Variants in MED16 observed in about 807,000 individuals in gnomAD.
MED16 encodes the protein mediator of RNA polymerase II transcription subunit 16.
MED16 carries 81 observed loss-of-function variants against 84.4 expected under a neutral mutation model. The ratio of observed to expected loss-of-function variants is 0.96; its 90% CI spans 0.80 to 1.15. MED16 has a LOEUF of 1.15. Ranked by LOEUF, MED16 falls within the 50% of genes most tolerant of loss-of-function variation. The pLI, the probability that MED16 is intolerant of heterozygous loss-of-function variation, is 0.00. For synonymous variants in MED16, 897 were observed against 552.2 expected (o/e 1.62, Z -8.76); for missense variants, 1,585 against 1,245.9 (o/e 1.27, Z -4.10).
At position 888,119 on chromosome 19, in the gene MED16, G is replaced by A. The variant is rs1002027473; in HGVS notation, c.447+1519C>T. On this transcript the variant is annotated intron_variant, in intron 4 of 15. Coordinates refer to ENST00000325464, the MANE Select transcript of MED16 (RefSeq NM_005481.3). ...TTCAGGAGGCTGAGGCAGTAGAATC[G>A]CTTGAGCCCGGGAGGGAGAGGCTGC... Among the ~76,000 whole-genome samples, 8 of 151,768 alleles carry A rather than the reference G, an allele frequency of 5.3e-5. No individual in the cohort carries two copies. The East Asian group carries it at 1.4e-3, about 26-fold the overall frequency.
Position 875,014 on chromosome 19 carries a change from A to T in MED16, c.1771+230T>A, listed in dbSNP as rs74697243. Reference sequence around the variant, plus strand: ...CCCGTCTCTACTAAAAATACAAAAAATCAGCCGGGCGTGGTGGCACGTGCC... The same window carrying T: ...CCCGTCTCTACTAAAAATACAAAAATTCAGCCGGGCGTGGTGGCACGTGCC... On this transcript the variant is annotated intron_variant, in intron 10 of 15. Coordinates refer to ENST00000325464, the MANE Select transcript of MED16 (RefSeq NM_005481.3). Among the ~76,000 whole-genome samples the T allele has an allele frequency of 2.1e-3, 319 of 151,606 alleles. 9 individuals carry two copies. In the East Asian group the frequency reaches 0.057, roughly 27 times the overall value.
At chr19:874,391 C>A (rs998628333) in intron 10 of MED16, among the ~76,000 whole-genome samples, 7 of 152,152 alleles carry the variant, frequency 4.6e-5, no homozygotes, top group African/African-American at 1.7e-4. Context: ...GGATTACACA[C>A]GAGTCGCCAC....
rs867260821 is a variant in MED16, at chr19:883,358, G to A, written c.985+1545C>T. On this transcript the variant is annotated intron_variant, in intron 6 of 15. Transcript: ENST00000325464. ...CATGGCGGGGACCGAAGCCTGGCACGGTGGGCACGTGGGGTGGTGGGTGAA... is the reference window on the plus strand; with the variant it reads ...CATGGCGGGGACCGAAGCCTGGCACAGTGGGCACGTGGGGTGGTGGGTGAA... 4.2e-5 allele frequency among the ~76,000 whole-genome samples: 6 copies of A among 144,026 alleles called. 1 individual carries two copies. In the South Asian group the frequency reaches 9.3e-4, roughly 22 times the overall value. 94.5% of individuals were successfully genotyped at this position (144,026 alleles called of 152,430 possible). A position where few individuals can be genotyped will look rare whatever the true frequency, so the allele number is the denominator to read the frequency against.
chr19:867,978 T>G lies in MED16; in HGVS notation c.*123A>C. On this transcript the variant is annotated 3_prime_UTR_variant, in exon 16 of 16. Transcript: ENST00000325464. Reference sequence around the variant, plus strand: ...GACGCGGGCCTGGGCGCAGAGGGCGTTTATTGGACCTGTCCTTCCCAGCCG... The same window carrying G: ...GACGCGGGCCTGGGCGCAGAGGGCGGTTATTGGACCTGTCCTTCCCAGCCG... 6 of 1,310,272 alleles carry G rather than the reference T, an allele frequency of 4.6e-6. No individual in the cohort carries two copies. The highest frequency in any genetic ancestry group is 3.0e-5 in the African/African-American group (2 of 67,328). 81.2% of individuals were successfully genotyped at this position (1,310,272 alleles called of 1,614,324 possible).
intron 8 of MED16, among the ~76,000 whole-genome samples, chr19:878,916 A>AGCCCCGGCCCCG (rs141014120): frequency 8.4e-4 from 67 of 79,772 alleles, no homozygotes; most frequent in East Asian, 1.8e-3. Flanking sequence ...AATGTCCACC[A>AGCCCCGGCCCCG]GCCCCGGCCC....
chr19:889,702 C>T lies in MED16; in HGVS notation c.383G>A (p.Gly128Glu), dbSNP rs775406899. ...CCAGGACAGGGCCACAATGGGGTCC[C>T]CCTCCACTAGGCTGCCCACTGAGCT... Reference protein sequence around the residue: ...WESSVGSLVEGDPIVALSWLH... With the variant: ...WESSVGSLVEEDPIVALSWLH... The change falls in exon 4 of 16, where the codon GGG becomes GAG. Residue 128 changes from glycine to glutamate, a missense_variant. Gly to Glu is a moderately conservative substitution (Grantham distance 98). Transcript: ENST00000325464. 1 of 1,613,738 alleles carries T rather than the reference C, an allele frequency of 6.2e-7. No homozygotes were observed. Among genetic ancestry groups the T allele is most frequent in the African/African-American group, 1.3e-5 (1 of 74,934 alleles).
At chr19:882,996 T>C (rs1452170797) in intron 6 of MED16, among the ~76,000 whole-genome samples, 2 of 152,042 alleles carry the variant, frequency 1.3e-5, no homozygotes, top group Admixed American at 6.6e-5. Context: ...GAGCCTCTCA[T>C]AGGAAAGACA....
chr19:883,650 A>AG (rs1211875917), intron 6 of MED16, among the ~76,000 whole-genome samples: 180 of 152,164 alleles, frequency 1.2e-3, no homozygotes, highest in African/African-American at 4.2e-3. Flanking sequence ...CGGCTGCAGG[A>AG]GACGAGGAGG....
At position 880,794 on chromosome 19, in the gene MED16, G is replaced by A. The variant is rs375672058; in HGVS notation, c.1142-646C>T. 3.5e-4 allele frequency among the ~76,000 whole-genome samples: 54 copies of A among 152,142 alleles called. No individual in the cohort carries two copies. The South Asian group carries it at 7.1e-3, about 20-fold the overall frequency. ...AAATTAGCCGGGCGTGGCAGCACGC[G>A]CCTGTAGTCCCAGCTACTCGGGAGG... On this transcript the variant is annotated intron_variant, in intron 7 of 15. Coordinates refer to ENST00000325464, the MANE Select transcript of MED16 (RefSeq NM_005481.3).
At chr19:890,051 G>T in intron 3 of MED16, 86 bp downstream of exon 3, 1 of 1,066,878 alleles carries the variant, frequency 9.4e-7, no homozygotes, top group Non-Finnish European at 1.4e-6. Flanking sequence ...CCCAGCGCCG[G>T]ACTCCAGACT....
intron 8 of MED16, among the ~76,000 whole-genome samples, chr19:878,661 C>G (rs1341362369): frequency 2.1e-5 from 3 of 144,588 alleles, no homozygotes; most frequent in East Asian, 2.3e-4. Context: ...TCACCTTCCC[C>G]TGGTTGTCAA....
In MED16 at chr19:871,167, G is replaced by C. The variant is rs751147997; in HGVS notation, c.2185C>G (p.Leu729Val). 12 of 1,548,834 alleles carry C rather than the reference G, an allele frequency of 7.7e-6. No homozygotes were observed. Among genetic ancestry groups the C allele is most frequent in the Middle Eastern group, 3.4e-4 (2 of 5,958 alleles). Reference sequence around the variant, plus strand: ...CCGTCGCTGGCTGGCAGCCAGTCCAGGCTGGGGATAAGCAGCTGGCTGGGC... The same window carrying C: ...CCGTCGCTGGCTGGCAGCCAGTCCACGCTGGGGATAAGCAGCTGGCTGGGC... ...LLPSQLLIPS[L>V]DWLPASDGLV... The change falls in exon 13 of 16, where the codon CTG (leucine) becomes GTG (valine). Residue 729 changes from leucine (L) to valine (V), a missense_variant. Transcript: ENST00000325464.
rs2036082132 is a variant in MED16 at position 871,973 on chromosome 19, T to C, written c.2051A>G (p.Asp684Gly). 1.2e-6 allele frequency: 2 copies of C among 1,602,812 alleles called. No homozygotes were observed. The highest frequency in any genetic ancestry group is 1.1e-5 in the South Asian group (1 of 90,460). Residue 684 changes from aspartate (D) to glycine (G), a missense_variant, in exon 12 of 16, where the codon GAC becomes GGC. Physicochemically the swap from Asp to Gly is moderately conservative, Grantham distance 94 (BLOSUM62 -1). Transcript: ENST00000325464. Reference protein sequence around the residue: ...PVYTATSDTQDSMSLLFRLLT... With the variant: ...PVYTATSDTQGSMSLLFRLLT... The stretch of plus-strand genomic sequence containing the variant: ...CAGGCGGAAGAGCAGGGACATGCTG[T>C]CCTGGGTATCCGAGGTGGCCGTATA...
At chr19:889,177 C>CT (rs1181667769) in intron 4 of MED16, among the ~76,000 whole-genome samples, 2 of 145,464 alleles carry the variant, frequency 1.4e-5, no homozygotes, top group Admixed American at 6.8e-5. Flanking sequence ...CCACGCCTAT[C>CT]TTAACTGTCC....
chr19:873,295 G>A (rs966288602), intron 11 of MED16, among the ~76,000 whole-genome samples, 154 bp downstream of exon 11: 9 of 134,014 alleles, frequency 6.7e-5, no homozygotes, highest in East Asian at 2.9e-4. Flanking sequence ...AAGCAGGGGC[G>A]GGACTCCAAG....
intron 9 of MED16, 24 bp downstream of exon 9, chr19:876,933 CCCCCACCTGCCACGGGG>C (rs746466254): frequency 4.0e-4 from 585 of 1,473,906 alleles, no homozygotes; most frequent in Middle Eastern, 2.2e-3. Context: ...TGCCACAGGG[CCCCCACCTGCCACGGGG>C]CCCCACCTGC....
intron 4 of MED16, among the ~76,000 whole-genome samples, chr19:887,928 C>A (rs954375219): frequency 6.6e-6 from 1 of 151,982 alleles, no homozygotes; most frequent in Admixed American, 6.6e-5. Flanking sequence ...TGAAGCTGGG[C>A]ACAGTGACTC....
At chr19:878,610 C>T (rs1262662655) in intron 8 of MED16, among the ~76,000 whole-genome samples, 468 of 12,520 alleles carry the variant, frequency 0.037, 2 homozygotes, top group African/African-American at 0.065. Flanking sequence ...TGGTTGTCAA[C>T]GCCCACCAGC....
At chr19:884,868 A>G (rs993816742) in intron 6 of MED16, 35 bp downstream of exon 6, 3 of 1,547,016 alleles carry the variant, frequency 1.9e-6, no homozygotes, top group African/African-American at 2.7e-5. Context: ...CCCCGAGGGC[A>G]GGCCCAGGGC....
Sources: allele counts gnomAD v4.1 joint callset (sites outside exome capture counted in the v4.1 genomes callset), GRCh38; gene constraint gnomAD v4.1.1; transcripts MANE v1.5; gene names NCBI Gene and HGNC (gene_info 2026-07-23, HGNC 2026-07-21).